Variants in DDX60L observed in about 807,000 individuals in gnomAD.
DDX60L encodes the protein DExD/H-box 60 like, also known as probable ATP-dependent RNA helicase DDX60-like.
DDX60L carries 191 observed loss-of-function variants against 211.6 expected under a neutral mutation model. The observed-to-expected ratio is 0.90, with a 90% CI of 0.80 to 1.02. The LOEUF (loss-of-function observed/expected upper bound fraction) is 1.02, where lower values mean the gene tolerates loss of function less well. Ranked by LOEUF, DDX60L falls within the 50% of genes least tolerant of loss-of-function variation. The pLI is 0.00. For synonymous variants in DDX60L, 706 were observed against 694.1 expected (o/e 1.02, Z -0.27); for missense variants, 2,007 against 1,984.1 (o/e 1.01, Z -0.22).
intron 14 of DDX60L, among the ~76,000 whole-genome samples, chr4:168,426,787 C>T (rs1751523851): frequency 6.6e-6 from 1 of 152,186 alleles, no homozygotes; most frequent in East Asian, 1.9e-4. Flanking sequence ...TTGCTGATCC[C>T]CTTAATTCTC....
intron 22 of DDX60L, among the ~76,000 whole-genome samples, chr4:168,414,551 G>T (rs941940650): frequency 6.6e-6 from 1 of 151,922 alleles, no homozygotes; most frequent in Non-Finnish European, 1.5e-5. Context: ...AGAGGTATCC[G>T]GACTCTCATG....
intron 18 of DDX60L, 88 bp downstream of exon 18, chr4:168,420,173 G>C: frequency 9.1e-7 from 1 of 1,093,608 alleles, no homozygotes; most frequent in Non-Finnish European, 1.3e-6. Context: ...TTTCTATAAG[G>C]GCTTGTGTTT....
intron 15 of DDX60L, 79 bp downstream of exon 15, chr4:168,423,529 C>A: frequency 9.7e-7 from 1 of 1,035,468 alleles, no homozygotes; most frequent in Non-Finnish European, 1.4e-6. Context: ...ATGTGAGATA[C>A]TTCATTAGAC....
intron 26 of DDX60L, among the ~76,000 whole-genome samples, chr4:168,398,730 C>T (rs1441372759): frequency 6.6e-6 from 1 of 152,194 alleles, no homozygotes; most frequent in Admixed American, 6.5e-5. Flanking sequence ...ACTCAACAGA[C>T]GACCAGCTTC....
intron 25 of DDX60L, 48 bp downstream of exon 25, chr4:168,403,932 CAA>C: frequency 2.4e-6 from 3 of 1,230,726 alleles, no homozygotes; most frequent in Non-Finnish European, 3.3e-6. Flanking sequence ...CAAAACCAAA[CAA>C]AAAATTCTCA....
chr4:168,475,404 T>C (rs556729941), intron 1 of DDX60L, among the ~76,000 whole-genome samples: 1 of 152,334 alleles, frequency 6.6e-6, no homozygotes, highest in Admixed American at 6.5e-5. Flanking sequence ...ATAGAATGCA[T>C]TTCCTATTTG....
In DDX60L at chr4:168,396,057, T is replaced by C. The variant is rs1477761285; in HGVS notation, c.3559A>G (p.Asn1187Asp). ...RKKVYRAEYI[N>D]FLENLKILEI... ...AGAATCTTCAGATTCTCCAGGAAAT[T>C]AATATATTCAGCTCTATACACTTTT... Residue 1187 changes from asparagine (N) to aspartate (D), a missense_variant, in exon 27 of 38, where the codon AAT becomes GAT. Physicochemically the swap from Asn to Asp is conservative, Grantham distance 23. Coordinates refer to ENST00000682922, the MANE Select transcript of DDX60L (RefSeq NM_001012967.3). 2.0e-5 allele frequency: 32 copies of C among 1,606,672 alleles called. No individual in the cohort carries two copies. The highest frequency in any genetic ancestry group is 2.6e-5 in the Non-Finnish European group (30 of 1,174,254).
At chr4:168,358,755 T>C (rs1309885261) in intron 37 of DDX60L, among the ~76,000 whole-genome samples, 1 of 152,042 alleles carries the variant, frequency 6.6e-6, no homozygotes, top group Non-Finnish European at 1.5e-5. Context: ...CCTGACCTCG[T>C]GATCCACCCG....
Position 168,433,091 on chromosome 4 carries a change from C to T in DDX60L, c.1319G>A (p.Ser440Asn), listed in dbSNP as rs767312174. 3.7e-6 allele frequency: 6 copies of T among 1,606,660 alleles called. No homozygotes were observed. The South Asian group carries it at 6.7e-5, about 18-fold the overall frequency. Residue 440 changes from serine to asparagine, a missense_variant, in exon 11 of 38, where the codon AGT (serine) becomes AAT (asparagine). Physicochemically the swap from Ser to Asn is conservative, Grantham distance 46. Coordinates refer to ENST00000682922, the MANE Select transcript of DDX60L (RefSeq NM_001012967.3). ...IQEISLEKMP[S>N]VGFIPMTSAV... is the part of the protein sequence containing the mutation. ...AGATGTCATTGGAATAAAGCCCACACTAGGCATCTTTTCCAAGGAGATTTC... is the reference window on the plus strand; with the variant it reads ...AGATGTCATTGGAATAAAGCCCACATTAGGCATCTTTTCCAAGGAGATTTC...
intron 30 of DDX60L, chr4:168,380,791 G>A (rs1742807726): frequency 6.6e-6 from 1 of 152,142 alleles, no homozygotes; most frequent in Non-Finnish European, 1.5e-5. Flanking sequence ...GGAAAGTTTG[G>A]ATCCTAAAGA....
Position 168,461,989 on chromosome 4 carries a change from C to G in DDX60L, c.316G>C (p.Ala106Pro). ...DFPELLSLRT[A>P]LILHLQHNTN... ...TTGTGTTGAAGGTGGAGAATTAAAG[C>G]GGTCCTCAATGAAAGAAGTTCAGGA... The change falls in exon 5 of 38, where the codon GCT (alanine) becomes CCT (proline). Residue 106 changes from alanine (A) to proline (P), a missense_variant. Transcript: ENST00000682922. 1 of 1,612,566 alleles carries G rather than the reference C, an allele frequency of 6.2e-7. No individual in the cohort carries two copies. The highest frequency in any genetic ancestry group is 1.1e-5 in the South Asian group (1 of 90,818).
chr4:168,393,787 T>C (rs1331657366), intron 28 of DDX60L, among the ~76,000 whole-genome samples: 1 of 152,210 alleles, frequency 6.6e-6, no homozygotes, highest in Non-Finnish European at 1.5e-5. Flanking sequence ...AGGTATGACA[T>C]TAGAAAATAG....
chr4:168,368,385 T>A (rs1240384109), intron 36 of DDX60L, among the ~76,000 whole-genome samples: 1 of 152,148 alleles, frequency 6.6e-6, no homozygotes, highest in Non-Finnish European at 1.5e-5. Flanking sequence ...TGCACAGAAG[T>A]CAATAATTGA....
rs151013776 is a variant in DDX60L, at chr4:168,383,672, T to TGCTGG, written c.4116+939_4116+940insCCAGC. Reference sequence around the variant, plus strand: ...GCTCACGAGGGGAGTGAGACATGACTGCTGTCACACCCTGTCACACTCCAA... The same window carrying TGCTGG: ...GCTCACGAGGGGAGTGAGACATGACTGCTGGGCTGTCACACCCTGTCACACTCCAA... On this transcript the variant is annotated intron_variant, in intron 30 of 37. Coordinates refer to ENST00000682922, the MANE Select transcript of DDX60L (RefSeq NM_001012967.3). 8.9e-3 allele frequency among the ~76,000 whole-genome samples: 1,348 copies of TGCTGG among 152,246 alleles called. 17 individuals are homozygous for TGCTGG. Among genetic ancestry groups the TGCTGG allele is most frequent in the African/African-American group, 0.03 (1,264 of 41,528 alleles).
chr4:168,379,663 A>G (rs765767331), intron 31 of DDX60L, 63 bp downstream of exon 31: 4 of 1,371,146 alleles, frequency 2.9e-6, no homozygotes, highest in Non-Finnish European at 4.1e-6. Context: ...CAGTTGGTTT[A>G]GCATAGAAAG....
chr4:168,397,595 T>A (rs528315367), intron 26 of DDX60L, among the ~76,000 whole-genome samples: 1 of 152,286 alleles, frequency 6.6e-6, no homozygotes, highest in South Asian at 2.1e-4. Flanking sequence ...GTGTGCTACA[T>A]AGATTCAGAT....
chr4:168,423,844 A>G, intron 14 of DDX60L, 70 bp from the exon 15 acceptor site: 1 of 1,012,858 alleles, frequency 9.9e-7, no homozygotes. Flanking sequence ...TACGACAATC[A>G]TTGAGTTAAT....
intron 23 of DDX60L, 62 bp downstream of exon 23, chr4:168,406,540 G>T: frequency 2.5e-6 from 3 of 1,189,712 alleles, no homozygotes; most frequent in Non-Finnish European, 3.6e-6. Flanking sequence ...GAGTAATTTT[G>T]CTATATTCTG....
chr4:168,393,214 G>A (rs1417638460), intron 28 of DDX60L, among the ~76,000 whole-genome samples: 2 of 151,992 alleles, frequency 1.3e-5, no homozygotes, highest in East Asian at 1.9e-4. Flanking sequence ...TTACAAAAAT[G>A]GCTGGGCATG....
Sources: gnomAD v4.1 joint callset for allele counts (sites outside exome capture counted in the v4.1 genomes callset) on GRCh38, gnomAD v4.1.1 for gene constraint, MANE v1.5 for transcripts, NCBI Gene and HGNC (gene_info 2026-07-23, HGNC 2026-07-21) for gene names.